The following PRKG1 variants were observed in gnomAD, a reference collection of about 807,000 sequenced individuals.
The protein encoded by PRKG1 is protein kinase cGMP-dependent 1, also known as cGMP-dependent protein kinase 1.
PRKG1 carries 35 observed loss-of-function variants against 88.1 expected under a neutral mutation model. The observed-to-expected ratio is 0.40, with a 90% CI of 0.30 to 0.53. The LOEUF is 0.53. Among genes scored for constraint, PRKG1 ranks in the 20% least tolerant of loss-of-function variants. The probability of loss-of-function intolerance (pLI) is 0.59; values close to 1 mark genes in which losing one functional copy is unlikely to be tolerated. For missense variants in PRKG1, 540 were observed against 839.8 expected (o/e 0.64, Z 4.41); for synonymous variants, 303 against 292.5 (o/e 1.04, Z -0.37).
intron 7 of PRKG1, among the ~76,000 whole-genome samples, chr10:52,117,533 C>T (rs979672724): frequency 3.3e-5 from 5 of 152,062 alleles, no homozygotes; most frequent in Admixed American, 6.6e-5. Flanking sequence ...CTAATAACCA[C>T]ACAGTCAACA....
At chr10:51,368,385 C>T (rs1325152909) in intron 2 of PRKG1, among the ~76,000 whole-genome samples, 1 of 151,950 alleles carries the variant, frequency 6.6e-6, no homozygotes, top group African/African-American at 2.4e-5. Context: ...AGACAAGAAC[C>T]TGCTATGGAT....
At chr10:51,484,825 T>G (rs1326249) in intron 3 of PRKG1, among the ~76,000 whole-genome samples, 10,192 of 148,094 alleles carry the variant, frequency 0.069, 466 homozygotes, top group Middle Eastern at 0.11. Flanking sequence ...AAAGTCACAG[T>G]CAGCTTTTTC....
At chr10:52,074,321 C>T (rs186494562) in intron 7 of PRKG1, among the ~76,000 whole-genome samples, 2 of 152,100 alleles carry the variant, frequency 1.3e-5, no homozygotes, top group South Asian at 4.1e-4. Flanking sequence ...AAGGGATCAG[C>T]TTTTTATAGA....
rs548210026 is a variant in PRKG1 at position 52,278,802 on chromosome 10, C to T, written c.1404-1987C>T. Among the ~76,000 whole-genome samples, 20 of 151,342 alleles carry T rather than the reference C, an allele frequency of 1.3e-4. 1 individual carries two copies. Among genetic ancestry groups the T allele is most frequent in the South Asian group, 1.0e-3 (5 of 4,806 alleles). On this transcript the variant is annotated intron_variant, in intron 12 of 17. Coordinates refer to ENST00000373980, the MANE Select transcript of PRKG1 (RefSeq NM_006258.4). ...CCTGTAGTCCCAGCTACTCGGGAGG[C>T]TGAGGCAGGAGGATCACTTGAACCC... is the stretch of plus-strand genomic sequence containing the variant.
chr10:51,733,113 A>T (rs1035642998), intron 3 of PRKG1, among the ~76,000 whole-genome samples: 1 of 152,186 alleles, frequency 6.6e-6, no homozygotes, highest in Non-Finnish European at 1.5e-5. Flanking sequence ...CTTCTTATAA[A>T]AACACTAATC....
rs995522575 is a variant in PRKG1 at position 51,694,808 on chromosome 10, C to T, written c.593-109777C>T. The stretch of plus-strand genomic sequence containing the variant: ...AAAGATTCTGATTGTGGCAATATTG[C>T]TTGCTTTATTCTTTACTATCAAATG... On this transcript the variant is annotated intron_variant, in intron 3 of 17. Coordinates refer to ENST00000373980, the MANE Select transcript of PRKG1 (RefSeq NM_006258.4). 4.6e-5 allele frequency among the ~76,000 whole-genome samples: 7 copies of T among 152,238 alleles called. No individual in the cohort carries two copies. The South Asian group carries it at 1.2e-3, about 27-fold the overall frequency.
At chr10:52,060,084 A>C (rs1846202165) in intron 6 of PRKG1, among the ~76,000 whole-genome samples, 1 of 151,910 alleles carries the variant, frequency 6.6e-6, no homozygotes, top group Non-Finnish European at 1.5e-5. Context: ...AATTTGACTG[A>C]AAACTGGACA....
At chr10:51,098,732 A>G (rs1844605049) in intron 1 of PRKG1, among the ~76,000 whole-genome samples, 1 of 152,218 alleles carries the variant, frequency 6.6e-6, no homozygotes, top group African/African-American at 2.4e-5. Context: ...ACTCTTTACA[A>G]GTTTTAAAGG....
At chr10:52,154,192 AC>A (rs1262732144) in intron 8 of PRKG1, among the ~76,000 whole-genome samples, 1 of 152,184 alleles carries the variant, frequency 6.6e-6, no homozygotes. Flanking sequence ...GAATTTATAT[AC>A]TTTAGGTTAA....
rs1839345561 is a variant in PRKG1 at position 51,448,667 on chromosome 10, C to A, written c.479-19056C>A. Among the ~76,000 whole-genome samples, 5 of 151,952 alleles carry A rather than the reference C, an allele frequency of 3.3e-5. No individual in the cohort carries two copies. The South Asian group carries it at 1.0e-3, about 31-fold the overall frequency. On this transcript the variant is annotated intron_variant, in intron 2 of 17. Coordinates refer to ENST00000373980, the MANE Select transcript of PRKG1 (RefSeq NM_006258.4). Reference sequence around the variant, plus strand: ...TCTTCTTGGTGCACTGAAAGCATGTCCCTGTTTGATATATACCAATGATTT... The same window carrying A: ...TCTTCTTGGTGCACTGAAAGCATGTACCTGTTTGATATATACCAATGATTT...
At chr10:51,212,158 G>A (rs1459843543) in intron 2 of PRKG1, among the ~76,000 whole-genome samples, 2 of 151,970 alleles carry the variant, frequency 1.3e-5, no homozygotes, top group African/African-American at 2.4e-5. Flanking sequence ...CAGAAATAAT[G>A]CCGCATATCT....
At chr10:51,375,407 G>C (rs373726269) in intron 2 of PRKG1, among the ~76,000 whole-genome samples, 1 of 150,906 alleles carries the variant, frequency 6.6e-6, no homozygotes, top group Middle Eastern at 3.4e-3. Context: ...CTTGGGACCA[G>C]AGTGTTTTGG....
In PRKG1 at chr10:51,962,942, T is replaced by G. The variant is rs113251005; in HGVS notation, c.762+55372T>G. On this transcript the variant is annotated intron_variant, in intron 5 of 17. Transcript: ENST00000373980. ...TGGAGTAGGTTTATCTTAACTATTT[T>G]GTGTGGAAAACAGAAGCTGAGAAAT... 5.3e-3 allele frequency among the ~76,000 whole-genome samples: 805 copies of G among 152,314 alleles called. 3 individuals are homozygous for G. The highest frequency in any genetic ancestry group is 8.7e-3 in the Non-Finnish European group (594 of 68,020).
At chr10:51,812,107 C>T (rs10999585) in intron 4 of PRKG1, among the ~76,000 whole-genome samples, 2,566 of 152,216 alleles carry the variant, frequency 0.017, 72 homozygotes, top group African/African-American at 0.054. Context: ...TATAACTAGG[C>T]TCAAACACAT....
At chr10:51,640,654 GTC>G (rs1390812012) in intron 3 of PRKG1, among the ~76,000 whole-genome samples, 2 of 152,154 alleles carry the variant, frequency 1.3e-5, no homozygotes, top group African/African-American at 4.8e-5. Context: ...TTTTTAGGGT[GTC>G]TCTGGAGATT....
chr10:52,279,354 G>A (rs1333250543), intron 12 of PRKG1, among the ~76,000 whole-genome samples: 1 of 152,086 alleles, frequency 6.6e-6, no homozygotes, highest in East Asian at 1.9e-4. Context: ...TATTATTCAA[G>A]GGAGATTCAG....
intron 4 of PRKG1, among the ~76,000 whole-genome samples, chr10:51,821,994 T>A (rs942744144): frequency 2.6e-5 from 4 of 152,112 alleles, no homozygotes; most frequent in Admixed American, 6.6e-5. Context: ...TGAAGAGATA[T>A]CTGCACTCCA....
At chr10:51,765,922 T>C (rs1488024217) in intron 3 of PRKG1, among the ~76,000 whole-genome samples, 1 of 151,862 alleles carries the variant, frequency 6.6e-6, no homozygotes, top group East Asian at 1.9e-4. Flanking sequence ...TTCACAATTC[T>C]GGAGGCTGGG....
At position 51,965,039 on chromosome 10, in the gene PRKG1, A is replaced by G. The variant is rs926453793; in HGVS notation, c.762+57469A>G. ...AGGCATTGAAATTTGTTCTTATAAA[A>G]GCATGGAATAAACAGAATAAATTAA... On this transcript the variant is annotated intron_variant, in intron 5 of 17. Transcript: ENST00000373980. Among the ~76,000 whole-genome samples, 2 of 152,236 alleles carry G rather than the reference A, an allele frequency of 1.3e-5. 1 individual carries two copies. Among genetic ancestry groups the G allele is most frequent in the East Asian group, 3.8e-4 (2 of 5,208 alleles).
Sources: gnomAD v4.1 joint callset for allele counts (sites outside exome capture counted in the v4.1 genomes callset) on GRCh38, gnomAD v4.1.1 for gene constraint, MANE v1.5 for transcripts, NCBI Gene and HGNC (gene_info 2026-07-23, HGNC 2026-07-21) for gene names.